AVEN: variants seen among roughly 807,000 people sequenced by gnomAD.
The protein encoded by AVEN is apoptosis and caspase activation inhibitor.
A neutral mutation model predicts 38.1 loss-of-function variants in AVEN; 41 were observed. The ratio of observed to expected loss-of-function variants is 1.08; its 90% CI spans 0.84 to 1.40. The LOEUF (loss-of-function observed/expected upper bound fraction) is 1.40. Among genes scored for constraint, AVEN ranks in the 40% most tolerant of loss-of-function variants. AVEN has a pLI of 0.00. For missense variants in AVEN, 605 were observed against 438.8 expected (o/e 1.38, Z -3.38); for synonymous variants, 206 against 171.8 (o/e 1.20, Z -1.56).
intron 2 of AVEN, among the ~76,000 whole-genome samples, chr15:33,985,693 T>C (rs1256024790): frequency 6.6e-6 from 1 of 152,088 alleles, no homozygotes; most frequent in Non-Finnish European, 1.5e-5. Context: ...ATGATACACC[T>C]GATTCCTTAG....
intron 2 of AVEN, among the ~76,000 whole-genome samples, chr15:33,992,369 G>A (rs1455540904): frequency 2.0e-5 from 3 of 150,808 alleles, no homozygotes; most frequent in Non-Finnish European, 4.4e-5. Context: ...CAGCCTGCGC[G>A]ACAGATCAGG....
chr15:34,027,390 G>A (rs2702278), intron 1 of AVEN, among the ~76,000 whole-genome samples: 97,026 of 151,398 alleles, frequency 0.64, 36,401 homozygotes, highest in Non-Finnish European at 0.85. Flanking sequence ...ACAGCCAGGC[G>A]TGTTGGTGGG....
chr15:33,984,003 T>G (rs8039574), intron 2 of AVEN, among the ~76,000 whole-genome samples: 44,392 of 151,066 alleles, frequency 0.29, 8,191 homozygotes, highest in African/African-American at 0.51. Context: ...AAAGTGTCAA[T>G]TTCAGAAAAG....
chr15:33,857,871 A>G (rs1355608010), downstream of AVEN: 1 of 1,614,198 alleles, frequency 6.2e-7, no homozygotes, highest in Admixed American at 1.7e-5. Context: ...AACAAAAGCG[A>G]AGACGATGAC....
At chr15:33,879,023 T>C (rs1457087104) in intron 2 of AVEN, among the ~76,000 whole-genome samples, 1 of 152,146 alleles carries the variant, frequency 6.6e-6, no homozygotes, top group Non-Finnish European at 1.5e-5. Flanking sequence ...ATGCTATATA[T>C]ACTTATTTTT....
intron 2 of AVEN, among the ~76,000 whole-genome samples, chr15:33,922,443 C>G (rs1567415209): frequency 7.8e-6 from 1 of 128,572 alleles, no homozygotes; most frequent in East Asian, 2.3e-4. Context: ...ACTTTTTTTT[C>G]TCTTATTTTT....
rs71454513 is a variant in AVEN at position 34,053,299 on chromosome 15, CAAAA to C, written n.1637+9619_1637+9622del. On this transcript the variant is annotated intron_variant and non_coding_transcript_variant, in intron 5 of 11. Coordinates refer to the AVEN transcript ENST00000675287. ...TGGGTGACAGAGTGAGACTCCATCTCAAAAAAAAAAAAAAAAAAAAATATATATA... is the reference window on the plus strand; with the variant it reads ...TGGGTGACAGAGTGAGACTCCATCTCAAAAAAAAAAAAAAAAATATATATA... Among the ~76,000 whole-genome samples the C allele has an allele frequency of 2.4e-3, 123 of 51,520 alleles. 1 individual carries two copies. Among genetic ancestry groups the C allele is most frequent in the African/African-American group, 7.9e-3 (88 of 11,110 alleles). 33.8% of individuals were successfully genotyped at this position (51,520 alleles called of 152,430 possible).
chr15:33,906,616 A>AT (rs1892709282), intron 2 of AVEN, among the ~76,000 whole-genome samples: 1 of 152,238 alleles, frequency 6.6e-6, no homozygotes, highest in Non-Finnish European at 1.5e-5. Context: ...TGCTAAGTGA[A>AT]TAAACCAGTC....
chr15:34,039,218 G>T, upstream of AVEN: 1 of 477,634 alleles, frequency 2.1e-6, no homozygotes, highest in Non-Finnish European at 2.8e-6. Context: ...GCGGGGCGGG[G>T]CGGGGCGGCC....
chr15:33,895,531 G>T (rs1892199433), intron 2 of AVEN, among the ~76,000 whole-genome samples: 1 of 151,850 alleles, frequency 6.6e-6, no homozygotes, highest in East Asian at 1.9e-4. Context: ...TCCCTATGTT[G>T]CCCAGAGTGG....
rs1019440264 is a variant in AVEN at position 34,063,085 on chromosome 15, T to A, written n.1474A>T. 6.2e-7 allele frequency: 1 copy of A among 1,614,088 alleles called. No individual in the cohort carries two copies. The highest frequency in any genetic ancestry group is 8.5e-7 in the Non-Finnish European group (1 of 1,180,044). ...AACGCTTCTGTCATGAACCTTCTGG[T>A]GATCAGTTTTGACCGTTACTTTTCC... On this transcript the variant is annotated non_coding_transcript_exon_variant, in exon 5 of 12. Transcript: ENST00000675287. The surrounding 1 kb of genome is among the most constrained non-coding windows in gnomAD (Gnocchi z 4.1).
intron 2 of AVEN, among the ~76,000 whole-genome samples, chr15:33,900,982 A>G (rs592839): frequency 0.88 from 133,884 of 152,126 alleles, 60,505 homozygotes; most frequent in Non-Finnish European, 0.98. Context: ...TCTACCTTAC[A>G]CTGGCCAGGC....
chr15:34,014,762 C>A (rs1897809614), intron 1 of AVEN, among the ~76,000 whole-genome samples: 1 of 152,142 alleles, frequency 6.6e-6, no homozygotes, highest in Non-Finnish European at 1.5e-5. Context: ...CTGGTGAGTT[C>A]AAGGAATTTG....
At chr15:33,872,361 C>T (rs370094805) in intron 3 of AVEN, among the ~76,000 whole-genome samples, 7 of 152,172 alleles carry the variant, frequency 4.6e-5, no homozygotes, top group African/African-American at 9.7e-5. Flanking sequence ...ATATACTTCA[C>T]TTTGCAGCTA....
intron 2 of AVEN, among the ~76,000 whole-genome samples, chr15:33,932,511 C>T (rs1450980861): frequency 6.6e-6 from 1 of 152,158 alleles, no homozygotes; most frequent in Admixed American, 6.6e-5. Context: ...AAATGGTCTC[C>T]TTAAGCCAGC....
chr15:33,957,221 T>C (rs1894990417), intron 2 of AVEN, among the ~76,000 whole-genome samples: 1 of 152,202 alleles, frequency 6.6e-6, no homozygotes, highest in Admixed American at 6.5e-5. Flanking sequence ...AGATTTCAAT[T>C]CTCTTAGGAT....
At chr15:34,053,379 G>A (rs557940607) in intron 5 of AVEN, among the ~76,000 whole-genome samples, 99 of 137,300 alleles carry the variant, frequency 7.2e-4, no homozygotes, top group African/African-American at 2.5e-3. Flanking sequence ...AAGATAATCC[G>A]AAGGAAAAAG....
intron 2 of AVEN, among the ~76,000 whole-genome samples, chr15:33,912,782 A>C (rs190782640): frequency 1.3e-5 from 2 of 152,332 alleles, no homozygotes; most frequent in Admixed American, 6.5e-5. Context: ...GAGTCCCTAT[A>C]AGCCAGTAAC....
chr15:33,977,498 G>A (rs922755628), intron 2 of AVEN, among the ~76,000 whole-genome samples: 2 of 152,078 alleles, frequency 1.3e-5, no homozygotes, highest in East Asian at 1.9e-4. Flanking sequence ...CTATGACAGC[G>A]TGCTTTGATT....
Sources: allele counts gnomAD v4.1 joint callset (sites outside exome capture counted in the v4.1 genomes callset), GRCh38; gene constraint gnomAD v4.1.1; non-coding constraint Gnocchi (gnomAD v3.1); transcripts MANE v1.5; gene names NCBI Gene and HGNC (gene_info 2026-07-23, HGNC 2026-07-21).